CDH4: variants seen among roughly 807,000 people sequenced by gnomAD.
The protein encoded by CDH4 is cadherin 4, also known as cadherin-4.
CDH4 carries 33 observed loss-of-function variants against 86.0 expected under a neutral mutation model. That is an observed-to-expected ratio of 0.38 (90% CI 0.29 to 0.51). The LOEUF is 0.51. Ranked by LOEUF, CDH4 falls within the 20% of genes least tolerant of loss-of-function variation. CDH4 has a pLI of 0.86. For synonymous variants in CDH4, 555 were observed against 549.4 expected (o/e 1.01, Z -0.14); for missense variants, 1,114 against 1,307.4 (o/e 0.85, Z 2.28).
intron 2 of CDH4, among the ~76,000 whole-genome samples, chr20:61,585,987 G>A (rs893747332): frequency 7.1e-6 from 1 of 141,474 alleles, no homozygotes; most frequent in South Asian, 2.3e-4. Context: ...TGATGATGAT[G>A]GTGATGATGA....
intron 3 of CDH4, among the ~76,000 whole-genome samples, chr20:61,749,306 A>G (rs914222739): frequency 2.6e-5 from 4 of 152,246 alleles, no homozygotes; most frequent in Non-Finnish European, 5.9e-5. Flanking sequence ...AAATAATAGA[A>G]CAAGCAGAAA....
At chr20:61,773,555 G>T (rs780428316) in intron 4 of CDH4, among the ~76,000 whole-genome samples, 4 of 152,156 alleles carry the variant, frequency 2.6e-5, no homozygotes, top group Non-Finnish European at 5.9e-5. Context: ...GTGGTGCCAT[G>T]ACGATCCCTG....
At chr20:61,746,235 G>C (rs1290529594) in intron 3 of CDH4, among the ~76,000 whole-genome samples, 2 of 152,242 alleles carry the variant, frequency 1.3e-5, no homozygotes, top group South Asian at 2.1e-4. Flanking sequence ...GCAGCCTGAG[G>C]ACCCTGTCCC....
In CDH4 at chr20:61,686,503, GTA is replaced by G. The variant is rs566345019; in HGVS notation, c.170-57056_170-57055del. 3.0e-3 allele frequency among the ~76,000 whole-genome samples: 449 copies of G among 151,956 alleles called. 1 individual carries two copies. The highest frequency in any genetic ancestry group is 8.6e-3 in the African/African-American group (357 of 41,440). ...TGCGTGTGTGTGCATTCGCGTGTGT[GTA>G]TATGTGTGTGCATTCGTGTGTGCAT... On this transcript the variant is annotated intron_variant, in intron 2 of 15. Coordinates refer to ENST00000614565, the MANE Select transcript of CDH4 (RefSeq NM_001794.5).
rs540581654 is a variant in CDH4 at position 61,544,571 on chromosome 20, C to T, written c.170-198992C>T. On this transcript the variant is annotated intron_variant, in intron 2 of 15. Coordinates refer to ENST00000614565, the MANE Select transcript of CDH4 (RefSeq NM_001794.5). The surrounding 1 kb of genome is among the most constrained non-coding windows in gnomAD (Gnocchi z 6.5). ...AGCAGAGACGGTGACGGGATCCCTG[C>T]GTTGACGGTGGCATGACCGTGTGTG... 2.0e-5 allele frequency among the ~76,000 whole-genome samples: 3 copies of T among 151,878 alleles called. No homozygotes were observed. The highest frequency in any genetic ancestry group is 2.1e-4 in the South Asian group (1 of 4,794).
At chr20:61,752,329 C>T (rs1164136154) in intron 3 of CDH4, among the ~76,000 whole-genome samples, 2 of 83,142 alleles carry the variant, frequency 2.4e-5, no homozygotes, top group East Asian at 3.5e-4. Context: ...AAAAGCCTGT[C>T]AAAAAAAAAA....
At chr20:61,491,964 G>A (rs1036654917) in intron 2 of CDH4, among the ~76,000 whole-genome samples, 5 of 152,088 alleles carry the variant, frequency 3.3e-5, no homozygotes, top group Non-Finnish European at 2.9e-5. Context: ...TGGTGCTGAT[G>A]TAAGTGGTGT....
At chr20:61,854,325 C>T (rs1029017054) in intron 6 of CDH4, among the ~76,000 whole-genome samples, 11 of 152,198 alleles carry the variant, frequency 7.2e-5, no homozygotes, top group African/African-American at 2.7e-4. Flanking sequence ...GCTGCGTGGG[C>T]GGTCCCTGGG....
intron 2 of CDH4, among the ~76,000 whole-genome samples, chr20:61,674,833 G>A (rs563425920): frequency 4.6e-5 from 7 of 152,300 alleles, no homozygotes; most frequent in East Asian, 1.9e-4. Context: ...GACTGTGGTC[G>A]TCAGCAACCT....
Position 61,415,593 on chromosome 20 carries a change from C to T in CDH4, c.169+160656C>T, listed in dbSNP as rs151077916. Among the ~76,000 whole-genome samples the T allele has an allele frequency of 3.9e-5, 6 of 152,248 alleles. No individual in the cohort carries two copies. In the East Asian group the frequency reaches 1.2e-3, roughly 29 times the overall value. On this transcript the variant is annotated intron_variant, in intron 2 of 15. Coordinates refer to ENST00000614565, the MANE Select transcript of CDH4 (RefSeq NM_001794.5). ...TTGTTTATTTCTATGAATGTGACTG[C>T]CCTAGGGACCCCAAACAGGTAGAAT...
At chr20:61,529,601 CT>C (rs1272719020) in intron 2 of CDH4, among the ~76,000 whole-genome samples, 2 of 152,142 alleles carry the variant, frequency 1.3e-5, no homozygotes, top group Non-Finnish European at 1.5e-5. Flanking sequence ...TGTTCAATGC[CT>C]CGTGTGGTTT....
intron 2 of CDH4, among the ~76,000 whole-genome samples, chr20:61,634,765 CTT>C (rs2086929988): frequency 2.0e-5 from 3 of 152,228 alleles, no homozygotes. Flanking sequence ...CTCCAGAATT[CTT>C]TTTCCTAAAA....
chr20:61,392,406 C>T lies in CDH4; in HGVS notation c.169+137469C>T, dbSNP rs1167709321. On this transcript the variant is annotated intron_variant, in intron 2 of 15. Coordinates refer to ENST00000614565, the MANE Select transcript of CDH4 (RefSeq NM_001794.5). This position sits in a 1 kb window ranked among gnomAD's most constrained non-coding sequence, Gnocchi z 5.7. ...CAGGGCGCCACCGGGATGGAACGCA[C>T]GGCGCCCCGACGTGATTTTCCAGAG... is the stretch of plus-strand genomic sequence containing the variant. Among the ~76,000 whole-genome samples, 4 of 152,148 alleles carry T rather than the reference C, an allele frequency of 2.6e-5. No individual in the cohort carries two copies. Among genetic ancestry groups the T allele is most frequent in the Non-Finnish European group, 2.9e-5 (2 of 68,028 alleles).
At chr20:61,858,825 C>A (rs554114016) in intron 6 of CDH4, among the ~76,000 whole-genome samples, 3 of 152,140 alleles carry the variant, frequency 2.0e-5, no homozygotes, top group Admixed American at 6.5e-5. Flanking sequence ...GGACGCTGGG[C>A]AGTTTCAACT....
intron 4 of CDH4, among the ~76,000 whole-genome samples, chr20:61,779,758 A>T (rs1233039797): frequency 6.6e-6 from 1 of 152,216 alleles, no homozygotes; most frequent in African/African-American, 2.4e-5. Context: ...TCAGCAAATG[A>T]GTGATGCCCC....
intron 2 of CDH4, among the ~76,000 whole-genome samples, chr20:61,408,143 C>T (rs1303971209): frequency 6.6e-6 from 1 of 152,164 alleles, no homozygotes; most frequent in Admixed American, 6.5e-5. Context: ...GGACTGTCCC[C>T]TGCCTCTCTC....
intron 5 of CDH4, 129 bp downstream of exon 5, chr20:61,844,952 G>A (rs1171247842): frequency 2.1e-6 from 2 of 971,942 alleles, no homozygotes; most frequent in East Asian, 5.4e-5. Context: ...ACTTTGGCCT[G>A]GAGCAGAATC....
At chr20:61,918,669 T>C (rs2054932027) in intron 9 of CDH4, among the ~76,000 whole-genome samples, 1 of 152,092 alleles carries the variant, frequency 6.6e-6, no homozygotes, top group African/African-American at 2.4e-5. Context: ...AGGGCTCACC[T>C]AAGCGTGGTG....
At chr20:61,569,402 C>T (rs1209313076) in intron 2 of CDH4, among the ~76,000 whole-genome samples, 2 of 152,170 alleles carry the variant, frequency 1.3e-5, no homozygotes, top group African/African-American at 4.8e-5. Flanking sequence ...TGACTCATCA[C>T]CTGTTATTTC....
Sources: allele counts gnomAD v4.1 joint callset (sites outside exome capture counted in the v4.1 genomes callset), GRCh38; gene constraint gnomAD v4.1.1; non-coding constraint Gnocchi (gnomAD v3.1); transcripts MANE v1.5; gene names NCBI Gene and HGNC (gene_info 2026-07-23, HGNC 2026-07-21).